Variants in GPX7 observed in about 807,000 individuals in gnomAD.
GPX7 encodes the protein protein peroxidase GPX7.
In GPX7, 21 loss-of-function variants were observed where a neutral mutation model predicts 23.7. The ratio of observed to expected loss-of-function variants is 0.89; its 90% confidence interval spans 0.63 to 1.28. The LOEUF (loss-of-function observed/expected upper bound fraction) is 1.28. Among genes scored for constraint, GPX7 ranks in the 50% most tolerant of loss-of-function variants. GPX7 has a pLI of 0.00. For missense variants in GPX7, 238 were observed against 237.3 expected (o/e 1.00, Z -0.02); for synonymous variants, 112 against 101.8 (o/e 1.10, Z -0.61).
At chr1:52,602,985 T>C (rs1690818274) in intron 1 of GPX7, among the ~76,000 whole-genome samples, 1 of 149,570 alleles carries the variant, frequency 6.7e-6, no homozygotes, top group African/African-American at 2.5e-5. Flanking sequence ...CGGAGTCCAG[T>C]GAAGAACACT....
rs752571224 is a variant in GPX7, at chr1:52,608,423, T to G, written c.562T>G (p.Ter188GluextTer32). The part of the protein sequence containing the change: ...KLILLKREDL[*>E] ...CATCCTACTGAAGCGAGAAGACTTA[T>G]AACCACCGCGTCTCCTCCTCCACCA... The change falls in exon 3 of 3, where the codon TAA (stop) becomes GAA (glutamate). Residue 188 changes from the stop codon to glutamate (E), a stop_lost. Coordinates refer to ENST00000361314, the MANE Select transcript of GPX7 (RefSeq NM_015696.5). The G allele has an allele frequency of 3.3e-5, 53 of 1,605,914 alleles. No homozygotes were observed. The highest frequency in any genetic ancestry group is 3.7e-5 in the Non-Finnish European group (44 of 1,176,392).
intron 2 of GPX7, among the ~76,000 whole-genome samples, chr1:52,607,981 C>T (rs575808218): frequency 6.6e-6 from 1 of 152,118 alleles, no homozygotes; most frequent in Non-Finnish European, 1.5e-5. Context: ...TTCAGTAGTT[C>T]GAAGTCATTA....
intron 2 of GPX7, 28 bp from the exon 3 acceptor site, chr1:52,608,234 C>A: frequency 6.3e-7 from 1 of 1,590,872 alleles, no homozygotes; most frequent in Admixed American, 1.8e-5. Flanking sequence ...CAGGGTAGCA[C>A]GCTTTGCTCT....
chr1:52,606,877 C>T lies in GPX7; in HGVS notation c.332C>T (p.Ser111Leu). 6.2e-7 allele frequency: 1 copy of T among 1,614,216 alleles called. No individual in the cohort carries two copies. The part of the protein sequence containing the change: ...ESFARRTYSV[S>L]FPMFSKIAVT... Reference sequence around the variant, plus strand: ...TTTGCCCGCCGCACCTACAGTGTCTCATTCCCCATGTTTAGCAAGATTGCA... The same window carrying T: ...TTTGCCCGCCGCACCTACAGTGTCTTATTCCCCATGTTTAGCAAGATTGCA... The change falls in exon 2 of 3, where the codon TCA becomes TTA. Residue 111 changes from serine (S) to leucine (L), a missense_variant. Physicochemically the swap from Ser to Leu is moderately radical, Grantham distance 145. Transcript: ENST00000361314.
At chr1:52,603,096 G>A (rs1690819588) in intron 1 of GPX7, among the ~76,000 whole-genome samples, 1 of 152,146 alleles carries the variant, frequency 6.6e-6, no homozygotes, top group Non-Finnish European at 1.5e-5. Context: ...AGAGAGGGCA[G>A]GCATTCGCAC....
rs1036344862 is a variant in GPX7, at chr1:52,608,630, A to G, written c.*205A>G. 1.9e-5 allele frequency: 7 copies of G among 376,152 alleles called. No individual in the cohort carries two copies. The highest frequency in any genetic ancestry group is 8.8e-5 in the Admixed American group (2 of 22,682). 23.3% of individuals were successfully genotyped at this position (376,152 alleles called of 1,614,324 possible). A position where few individuals can be genotyped will look rare whatever the true frequency, so the allele number is the denominator to read the frequency against. On this transcript the variant is annotated 3_prime_UTR_variant, in exon 3 of 3. Coordinates refer to ENST00000361314, the MANE Select transcript of GPX7 (RefSeq NM_015696.5). ...AGCAACAAATAGGAACTCCTGGCCAATGAGAGCTCTTGACCAGTGAATCAC... is the reference window on the plus strand; with the variant it reads ...AGCAACAAATAGGAACTCCTGGCCAGTGAGAGCTCTTGACCAGTGAATCAC...
intron 1 of GPX7, among the ~76,000 whole-genome samples, chr1:52,603,130 C>T (rs1322609526): frequency 6.6e-6 from 1 of 152,082 alleles, no homozygotes; most frequent in Non-Finnish European, 1.5e-5. Context: ...ACTAGAAAGA[C>T]GGGGCCTGGA....
Position 52,605,255 on chromosome 1 carries a change from G to C in GPX7, c.139-1429G>C, listed in dbSNP as rs145850753. Among the ~76,000 whole-genome samples the C allele has an allele frequency of 5.6e-3, 858 of 152,192 alleles. 8 individuals carry two copies. The highest frequency in any genetic ancestry group is 0.02 in the African/African-American group (817 of 41,522). ...AGGCATGGGTCCTTTCTCACCTGGT[G>C]GAGGTAGGGTACAGGAGGTACAGCT... On this transcript the variant is annotated intron_variant, in intron 1 of 2. Coordinates refer to ENST00000361314, the MANE Select transcript of GPX7 (RefSeq NM_015696.5).
At position 52,608,481 on chromosome 1, in the gene GPX7, A is replaced by C; in HGVS notation, c.*56A>C. On this transcript the variant is annotated 3_prime_UTR_variant, in exon 3 of 3. Coordinates refer to ENST00000361314, the MANE Select transcript of GPX7 (RefSeq NM_015696.5). ...CCGCCCACCTGTGTGGGGCTGACCA[A>C]TGCAAACTCAAATGGTGCTTCAAAG... The C allele has an allele frequency of 4.1e-6, 6 of 1,447,634 alleles. No individual in the cohort carries two copies. The highest frequency in any genetic ancestry group is 5.6e-6 in the Non-Finnish European group (6 of 1,077,404). The allele number at this position is 1,447,634 out of a possible 1,614,324, so 89.7% of individuals were successfully genotyped here. A position where few individuals can be genotyped will look rare whatever the true frequency, so the allele number is the denominator to read the frequency against.
At chr1:52,604,713 C>G (rs530568595) in intron 1 of GPX7, among the ~76,000 whole-genome samples, 88 of 152,232 alleles carry the variant, frequency 5.8e-4, no homozygotes, top group Non-Finnish European at 9.0e-4. Flanking sequence ...TTCCCCCTTC[C>G]AAAAGAGCGG....
At position 52,602,380 on chromosome 1, in the gene GPX7, C is replaced by T; in HGVS notation, c.-30C>T. 1 of 1,448,682 alleles carries T rather than the reference C, an allele frequency of 6.9e-7. No individual in the cohort carries two copies. The highest frequency in any genetic ancestry group is 9.1e-7 in the Non-Finnish European group (1 of 1,100,990). The allele number at this position is 1,448,682 out of a possible 1,614,324, so 89.7% of individuals were successfully genotyped here. On this transcript the variant is annotated 5_prime_UTR_variant, in exon 1 of 3. Coordinates refer to ENST00000361314, the MANE Select transcript of GPX7 (RefSeq NM_015696.5). ...TAGATCCCCCCGCCCCGTCTTTGCC[C>T]TCGCGACGCCGCCACCTCCGGAACA...
At chr1:52,603,877 AACCAAGAAC>A in intron 1 of GPX7, among the ~76,000 whole-genome samples, 1 of 152,138 alleles carries the variant, frequency 6.6e-6, no homozygotes, top group African/African-American at 2.4e-5. Flanking sequence ...CTGGGCAAAG[AACCAAGAAC>A]AGGGCCCGCT....
intron 1 of GPX7, 71 bp from the exon 2 acceptor site, chr1:52,606,613 A>G: frequency 6.5e-7 from 1 of 1,528,372 alleles, no homozygotes; most frequent in Non-Finnish European, 8.9e-7. Context: ...TGGATGTGTC[A>G]GGGCATGTAC....
chr1:52,605,045 TA>T (rs59749784), intron 1 of GPX7, among the ~76,000 whole-genome samples: 53,465 of 83,736 alleles, frequency 0.64, 15,580 homozygotes, highest in Middle Eastern at 0.7. Flanking sequence ...ACTCTGTCTT[TA>T]AAAAAAAAAA....
chr1:52,608,660 C>A lies in GPX7; in HGVS notation c.*235C>A. 1 of 295,148 alleles carries A rather than the reference C, an allele frequency of 3.4e-6. No individual in the cohort carries two copies. The highest frequency in any genetic ancestry group is 6.3e-6 in the Non-Finnish European group (1 of 158,964). The allele number at this position is 295,148 out of a possible 1,614,324, so 18.3% of individuals were successfully genotyped here. ...AGCTCTTGACCAGTGAATCACCAGC[C>A]GATACGAACGTCTTGCCAACAAAAA... On this transcript the variant is annotated 3_prime_UTR_variant, in exon 3 of 3. Transcript: ENST00000361314.
chr1:52,602,519 T>G lies in GPX7; in HGVS notation c.110T>G (p.Leu37Arg), dbSNP rs761652737. ...AAGGCGGTCAACATCCGGGGCAAAC[T>G]GGTGTCGCTGGAGAAGTACCGCGGA... ...DFKAVNIRGK[L>R]VSLEKYRGSV... The change falls in exon 1 of 3, where the codon CTG (leucine) becomes CGG (arginine). Residue 37 changes from leucine (L) to arginine (R), a missense_variant. Coordinates refer to ENST00000361314, the MANE Select transcript of GPX7 (RefSeq NM_015696.5). 2 of 1,564,224 alleles carry G rather than the reference T, an allele frequency of 1.3e-6. No individual in the cohort carries two copies. The highest frequency in any genetic ancestry group is 1.7e-6 in the Non-Finnish European group (2 of 1,159,428).
At chr1:52,607,884 CT>C (rs5774123) in intron 2 of GPX7, among the ~76,000 whole-genome samples, 77,974 of 151,822 alleles carry the variant, frequency 0.51, 20,791 homozygotes, top group East Asian at 0.77. Context: ...AAGCACTCCC[CT>C]GACCCCCAGT....
chr1:52,602,836 G>A (rs982468062), intron 1 of GPX7, among the ~76,000 whole-genome samples: 2 of 152,104 alleles, frequency 1.3e-5, no homozygotes, highest in Non-Finnish European at 2.9e-5. Context: ...TTGGGCAGCG[G>A]GGTCCAGACC....
chr1:52,603,767 G>A (rs1371069907), intron 1 of GPX7, among the ~76,000 whole-genome samples: 4 of 152,248 alleles, frequency 2.6e-5, no homozygotes, highest in African/African-American at 7.2e-5. Context: ...CCAGAGTGTC[G>A]TGAGTTTCAA....
Sources: gnomAD v4.1 joint callset for allele counts (sites outside exome capture counted in the v4.1 genomes callset) on GRCh38, gnomAD v4.1.1 for gene constraint, MANE v1.5 for transcripts, NCBI Gene and HGNC (gene_info 2026-07-23, HGNC 2026-07-21) for gene names.